LDLRAD4: variants seen among roughly 807,000 people sequenced by gnomAD.
LDLRAD4 encodes the protein low density lipoprotein receptor class A domain containing 4.
Under a neutral mutation model 17.0 loss-of-function variants are expected in LDLRAD4, and 5 were observed. The ratio of observed to expected loss-of-function variants is 0.29; its 90% CI spans 0.15 to 0.62. The LOEUF (loss-of-function observed/expected upper bound fraction) is 0.62. Ranked by LOEUF, LDLRAD4 falls within the 20% of genes least tolerant of loss-of-function variation. The probability of loss-of-function intolerance (pLI) is 0.84; values close to 1 mark genes in which losing one functional copy is unlikely to be tolerated. For synonymous variants in LDLRAD4, 168 were observed against 171.8 expected (o/e 0.98, Z 0.17); for missense variants, 340 against 424.7 (o/e 0.80, Z 1.75).
chr18:13,259,577 C>T (rs1006267254), intron 1 of LDLRAD4, among the ~76,000 whole-genome samples: 4 of 152,176 alleles, frequency 2.6e-5, no homozygotes, highest in African/African-American at 7.2e-5. Flanking sequence ...AACCACATGC[C>T]TTCAAATGCT....
chr18:13,369,230 A>G (rs1023527008), intron 1 of LDLRAD4, among the ~76,000 whole-genome samples: 13 of 152,118 alleles, frequency 8.5e-5, no homozygotes, highest in Non-Finnish European at 1.0e-4. Flanking sequence ...GTCATTTTTC[A>G]GTTAGTAAGT....
intron 2 of LDLRAD4, among the ~76,000 whole-genome samples, chr18:13,428,253 G>A (rs1320863080): frequency 6.6e-6 from 1 of 152,190 alleles, no homozygotes; most frequent in Non-Finnish European, 1.5e-5. Flanking sequence ...AGTGGAGTGA[G>A]GGAGGCCACG....
At chr18:13,643,671 A>G (rs138605008) in intron 5 of LDLRAD4, among the ~76,000 whole-genome samples, 2 of 152,350 alleles carry the variant, frequency 1.3e-5, no homozygotes, top group East Asian at 1.9e-4. Flanking sequence ...TGATCCCGTA[A>G]GCTTCTACTA....
chr18:13,388,648 G>A (rs553559933), intron 2 of LDLRAD4, among the ~76,000 whole-genome samples: 1 of 152,330 alleles, frequency 6.6e-6, no homozygotes, highest in South Asian at 2.1e-4. Context: ...TGCCTGGAGA[G>A]AGGGGCAGGG....
intron 3 of LDLRAD4, chr18:13,486,592 TAAGAA>T (rs1039573931): frequency 3.9e-5 from 6 of 152,234 alleles, no homozygotes; most frequent in African/African-American, 9.6e-5. Flanking sequence ...AAGCTGCTTG[TAAGAA>T]GTGCGCTTGA....
chr18:13,591,406 A>ATG (rs1289146626), intron 3 of LDLRAD4, among the ~76,000 whole-genome samples: 4 of 79,734 alleles, frequency 5.0e-5, no homozygotes, highest in African/African-American at 2.0e-4. Context: ...TTCCAAAGAG[A>ATG]TGTGTGTGTA....
At chr18:13,285,117 C>G (rs1447854767) in intron 1 of LDLRAD4, among the ~76,000 whole-genome samples, 1 of 152,146 alleles carries the variant, frequency 6.6e-6, no homozygotes, top group Non-Finnish European at 1.5e-5. Context: ...TTGCAGCGTC[C>G]CTCTCAAGTG....
At chr18:13,378,574 G>A (rs574278199) in intron 1 of LDLRAD4, among the ~76,000 whole-genome samples, 1 of 151,912 alleles carries the variant, frequency 6.6e-6, no homozygotes, top group South Asian at 2.1e-4. Context: ...TCTTTCTATT[G>A]CTGCTTTTTA....
intron 3 of LDLRAD4, chr18:13,491,089 C>T (rs1473871308): frequency 6.6e-6 from 1 of 152,222 alleles, no homozygotes; most frequent in Non-Finnish European, 1.5e-5. Context: ...CCATCTAGAC[C>T]CACCCTCATG....
At chr18:13,640,292 CAAA>C (rs55794457) in intron 4 of LDLRAD4, among the ~76,000 whole-genome samples, 1,424 of 98,434 alleles carry the variant, frequency 0.014, 32 homozygotes, top group African/African-American at 0.055. Context: ...GATTCCATCT[CAAA>C]AAAAAAAAAA....
At chr18:13,370,702 T>C (rs2084400791) in intron 1 of LDLRAD4, among the ~76,000 whole-genome samples, 1 of 98,836 alleles carries the variant, frequency 1.0e-5, no homozygotes, top group Non-Finnish European at 2.1e-5. Context: ...TCTTTCATGG[T>C]TTTTTGTTTT....
intron 3 of LDLRAD4, among the ~76,000 whole-genome samples, chr18:13,597,898 T>C (rs940376687): frequency 1.1e-4 from 17 of 152,260 alleles, no homozygotes; most frequent in Non-Finnish European, 2.2e-4. Context: ...TTTATTGATA[T>C]TCTCTGTTTG....
At chr18:13,471,995 C>CT (rs2092789033) in intron 3 of LDLRAD4, 1 of 152,224 alleles carries the variant, frequency 6.6e-6, no homozygotes, top group Non-Finnish European at 1.5e-5. Flanking sequence ...CGATTTCCAC[C>CT]TTCTGTGCAG....
Position 13,353,798 on chromosome 18 carries a change from G to C in LDLRAD4, c.-382-33543G>C, listed in dbSNP as rs1599625205. On this transcript the variant is annotated intron_variant, in intron 1 of 5. Transcript: ENST00000359446. Reference sequence around the variant, plus strand: ...AGGGGAAAAAAGAGTGAATAAAAATGAAATGAAATGGCAGACATTTTGAAT... The same window carrying C: ...AGGGGAAAAAAGAGTGAATAAAAATCAAATGAAATGGCAGACATTTTGAAT... 3.3e-5 allele frequency among the ~76,000 whole-genome samples: 5 copies of C among 152,350 alleles called. No individual in the cohort carries two copies. In the South Asian group the frequency reaches 1.0e-3, roughly 32 times the overall value.
intron 3 of LDLRAD4, among the ~76,000 whole-genome samples, chr18:13,518,747 A>G (rs1039377460): frequency 1.3e-5 from 2 of 152,140 alleles, no homozygotes; most frequent in South Asian, 2.1e-4. Context: ...ACTATTTTCT[A>G]TTACTGGCTT....
chr18:13,621,343 A>C lies in LDLRAD4; in HGVS notation c.336+72A>C, dbSNP rs8087610. 8.6e-3 allele frequency: 10,546 copies of C among 1,231,208 alleles called. 303 individuals carry two copies. The highest frequency in any genetic ancestry group is 0.08 in the African/African-American group (5,412 of 67,654). 76.3% of individuals were successfully genotyped at this position (1,231,208 alleles called of 1,614,324 possible). On this transcript the variant is annotated intron_variant, in intron 4 of 5. Coordinates refer to ENST00000359446, the Ensembl canonical transcript of LDLRAD4. The surrounding 1 kb of genome is among the most constrained non-coding windows in gnomAD (Gnocchi z 5.5). ...GGCTTAGGAGCCCATCAGGGTTCAG[A>C]GGCCGGGAGTGCTTTCAGTTGACAT...
intron 2 of LDLRAD4, among the ~76,000 whole-genome samples, chr18:13,426,720 G>A (rs2089965927): frequency 6.6e-6 from 1 of 152,230 alleles, no homozygotes; most frequent in Non-Finnish European, 1.5e-5. Flanking sequence ...TAGTTCACCA[G>A]CAGACCTTCC....
chr18:13,331,915 G>C (rs750280215), intron 1 of LDLRAD4, among the ~76,000 whole-genome samples: 1 of 152,148 alleles, frequency 6.6e-6, no homozygotes, highest in African/African-American at 2.4e-5. Context: ...TGCCCAGACT[G>C]GTCTTGAACT....
chr18:13,472,714 A>C (rs1051040605), intron 3 of LDLRAD4: 1 of 152,274 alleles, frequency 6.6e-6, no homozygotes, highest in Non-Finnish European at 1.5e-5. Flanking sequence ...GATTTCATTT[A>C]CACATCACAG....
Sources: gnomAD v4.1 joint callset for allele counts (sites outside exome capture counted in the v4.1 genomes callset) on GRCh38, gnomAD v4.1.1 for gene constraint, Gnocchi (gnomAD v3.1) non-coding constraint, MANE v1.5 for transcripts, NCBI Gene and HGNC (gene_info 2026-07-23, HGNC 2026-07-21) for gene names.